The following MATN2 variants were observed in gnomAD, a reference collection of about 807,000 sequenced individuals.
The protein encoded by MATN2 is matrilin 2.
MATN2 carries 69 observed loss-of-function variants against 103.2 expected under a neutral mutation model. The ratio of observed to expected loss-of-function variants is 0.67; its 90% confidence interval spans 0.55 to 0.82. The LOEUF is 0.82. MATN2 is among the 40% of genes least tolerant of loss of function. The pLI is 0.00. For missense variants in MATN2, 1,023 were observed against 1,211.5 expected (o/e 0.84, Z 2.31); for synonymous variants, 429 against 450.2 (o/e 0.95, Z 0.60).
intron 4 of MATN2, among the ~76,000 whole-genome samples, chr8:97,959,176 A>G (rs1345153429): frequency 6.6e-6 from 1 of 152,108 alleles, no homozygotes; most frequent in Admixed American, 6.5e-5. Context: ...CTGTTCCTCA[A>G]ATAGGATCAG....
At position 97,952,698 on chromosome 8, in the gene MATN2, A is replaced by G. The variant is rs369814470; in HGVS notation, c.836-8710A>G. ...TGAGTTATCCCTCTTAAAATTCTCC[A>G]GGCACTGAAACAAGCGAGCAGATTT... On this transcript the variant is annotated intron_variant, in intron 4 of 18. Transcript: ENST00000254898. Among the ~76,000 whole-genome samples the G allele has an allele frequency of 8.5e-5, 13 of 152,144 alleles. No individual in the cohort carries two copies. In the East Asian group the frequency reaches 1.2e-3, roughly 14 times the overall value.
At chr8:97,887,950 G>A (rs1351686255) in intron 1 of MATN2, 125 bp from the exon 2 acceptor site, 2 of 847,968 alleles carry the variant, frequency 2.4e-6, no homozygotes, top group South Asian at 2.0e-5. Context: ...ACACACAAAC[G>A]GCATTTTGAG....
At chr8:97,893,535 C>A (rs74916432) in intron 2 of MATN2, among the ~76,000 whole-genome samples, 10,835 of 151,984 alleles carry the variant, frequency 0.071, 455 homozygotes, top group African/African-American at 0.095. Flanking sequence ...AACCTTAACC[C>A]TCCTTGCCCA....
intron 2 of MATN2, among the ~76,000 whole-genome samples, chr8:97,891,839 T>C (rs1818642808): frequency 6.6e-6 from 1 of 152,138 alleles, no homozygotes; most frequent in Non-Finnish European, 1.5e-5. Context: ...CAGTGGCTCA[T>C]GCCTGTAATT....
intron 2 of MATN2, among the ~76,000 whole-genome samples, chr8:97,896,217 C>CTTGCTAAGAAGGTT (rs1818801769): frequency 1.3e-5 from 2 of 152,194 alleles, no homozygotes; most frequent in Non-Finnish European, 2.9e-5. Flanking sequence ...CTTGATTAAC[C>CTTGCTAAGAAGGTT]TTCTTAGCAA....
intron 4 of MATN2, among the ~76,000 whole-genome samples, chr8:97,945,590 A>T (rs1169354653): frequency 6.6e-6 from 1 of 151,756 alleles, no homozygotes; most frequent in Non-Finnish European, 1.5e-5. Context: ...CATTCAACAG[A>T]TTGTTACTTC....
At chr8:97,918,297 G>A (rs1359391004) in intron 2 of MATN2, among the ~76,000 whole-genome samples, 1 of 152,104 alleles carries the variant, frequency 6.6e-6, no homozygotes, top group Non-Finnish European at 1.5e-5. Context: ...GCTTCTTGAG[G>A]CCAGGACCTG....
At chr8:97,940,323 A>G (rs1810511842) in intron 3 of MATN2, among the ~76,000 whole-genome samples, 1 of 152,222 alleles carries the variant, frequency 6.6e-6, no homozygotes, top group Non-Finnish European at 1.5e-5. Flanking sequence ...TAATGATAAC[A>G]ATAAAAGAAA....
chr8:98,013,763 G>A (rs1240910170), intron 10 of MATN2, among the ~76,000 whole-genome samples: 6 of 152,212 alleles, frequency 3.9e-5, no homozygotes, highest in African/African-American at 1.4e-4. Context: ...GCTTCTGGAT[G>A]TGTAACTTTC....
At chr8:98,023,678 A>T (rs180928188) in intron 13 of MATN2, among the ~76,000 whole-genome samples, 80 of 152,270 alleles carry the variant, frequency 5.3e-4, no homozygotes, top group African/African-American at 1.3e-3. Flanking sequence ...CTCAAAAAAA[A>T]TTTTTTTAAT....
In MATN2 at chr8:97,882,736, C is replaced by T. The variant is rs113703768; in HGVS notation, c.-26-5339C>T. On this transcript the variant is annotated intron_variant, in intron 1 of 18. Transcript: ENST00000254898. The stretch of plus-strand genomic sequence containing the variant: ...TCACATCTTCACCAACACTTGGTTA[C>T]GTCAGTCTTTTAAAAATTGTTTTTA... Among the ~76,000 whole-genome samples, 1,171 of 152,210 alleles carry T rather than the reference C, an allele frequency of 7.7e-3. 15 individuals are homozygous for T. Among genetic ancestry groups the T allele is most frequent in the African/African-American group, 0.027 (1,106 of 41,532 alleles).
At chr8:97,999,162 C>T (rs377747076) in intron 7 of MATN2, among the ~76,000 whole-genome samples, 1 of 152,158 alleles carries the variant, frequency 6.6e-6, no homozygotes, top group Non-Finnish European at 1.5e-5. Flanking sequence ...AGTTGTAGGA[C>T]GTGTCAGAAT....
intron 5 of MATN2, among the ~76,000 whole-genome samples, chr8:97,962,646 G>C (rs1811353460): frequency 6.6e-6 from 1 of 152,208 alleles, no homozygotes; most frequent in Non-Finnish European, 1.5e-5. Context: ...GGCCATGATA[G>C]AGTGGCAGGG....
intron 1 of MATN2, among the ~76,000 whole-genome samples, chr8:97,871,064 G>A (rs996726767): frequency 6.6e-6 from 1 of 152,200 alleles, no homozygotes; most frequent in Non-Finnish European, 1.5e-5. Flanking sequence ...GCTTGTTGGA[G>A]GTGTCAGAGC....
chr8:97,880,242 C>T (rs1177858609), intron 1 of MATN2, among the ~76,000 whole-genome samples: 4 of 151,936 alleles, frequency 2.6e-5, no homozygotes, highest in Non-Finnish European at 5.9e-5. Context: ...CACCACCATG[C>T]CTGGCTAATT....
chr8:97,984,157 A>G (rs865860172), intron 6 of MATN2, among the ~76,000 whole-genome samples: 5 of 152,284 alleles, frequency 3.3e-5, no homozygotes, highest in Middle Eastern at 3.4e-3. Flanking sequence ...TATCCATCCT[A>G]CAATATTCTC....
intron 2 of MATN2, among the ~76,000 whole-genome samples, chr8:97,891,553 A>T (rs971350239): frequency 1.3e-5 from 2 of 151,868 alleles, no homozygotes; most frequent in African/African-American, 4.8e-5. Context: ...GTCCAGGCTG[A>T]TCTTGAACTC....
At chr8:97,885,509 T>C (rs1818393941) in intron 1 of MATN2, among the ~76,000 whole-genome samples, 1 of 152,036 alleles carries the variant, frequency 6.6e-6, no homozygotes, top group Non-Finnish European at 1.5e-5. Flanking sequence ...AGATGATAAA[T>C]AGCAAGGCAG....
intron 2 of MATN2, among the ~76,000 whole-genome samples, chr8:97,926,283 A>T (rs1364351301): frequency 6.6e-6 from 1 of 152,202 alleles, no homozygotes; most frequent in African/African-American, 2.4e-5. Flanking sequence ...CTCCCAGGCC[A>T]AGGAGACAGG....
Sources: allele counts gnomAD v4.1 joint callset (sites outside exome capture counted in the v4.1 genomes callset), GRCh38; gene constraint gnomAD v4.1.1; transcripts MANE v1.5; gene names NCBI Gene and HGNC (gene_info 2026-07-23, HGNC 2026-07-21).